Variants in CSPP1 observed in about 807,000 individuals in gnomAD.
CSPP1 encodes the protein centrosome and spindle pole associated protein 1.
Under a neutral mutation model 164.4 loss-of-function variants are expected in CSPP1, and 126 were observed. The ratio of observed to expected loss-of-function variants is 0.77; its 90% CI spans 0.66 to 0.89. CSPP1 has a LOEUF of 0.89. Among genes scored for constraint, CSPP1 ranks in the 40% least tolerant of loss-of-function variants. The probability of loss-of-function intolerance (pLI) is 0.00; values close to 1 mark genes in which losing one functional copy is unlikely to be tolerated. For missense variants in CSPP1, 1,395 were observed against 1,449.8 expected (o/e 0.96, Z 0.61); for synonymous variants, 472 against 476.7 (o/e 0.99, Z 0.13).
chr8:67,082,908 C>T (rs1809507117), intron 3 of CSPP1, among the ~76,000 whole-genome samples: 1 of 152,118 alleles, frequency 6.6e-6, no homozygotes, highest in South Asian at 2.1e-4. Flanking sequence ...AGACAACAGG[C>T]ACAATAAGTA....
chr8:67,136,849 A>G (rs939565927), intron 16 of CSPP1, among the ~76,000 whole-genome samples: 1 of 151,888 alleles, frequency 6.6e-6, no homozygotes, highest in Non-Finnish European at 1.5e-5. Context: ...TTAGAGAGGG[A>G]ATGGCTCAGG....
intron 28 of CSPP1, among the ~76,000 whole-genome samples, chr8:67,185,138 A>G (rs1199358652): frequency 1.3e-5 from 2 of 151,714 alleles, no homozygotes; most frequent in African/African-American, 2.4e-5. Context: ...CAAACAAACA[A>G]ACAAAAAACA....
In CSPP1 at chr8:67,159,850, CTTTT is replaced by C. The variant is rs1200830225; in HGVS notation, c.2538+715_2538+718del. Among the ~76,000 whole-genome samples, 99 of 91,638 alleles carry C rather than the reference CTTTT, an allele frequency of 1.1e-3. 1 individual carries two copies. Among genetic ancestry groups the C allele is most frequent in the East Asian group, 6.7e-3 (25 of 3,710 alleles). 60.1% of individuals were successfully genotyped at this position (91,638 alleles called of 152,430 possible). On this transcript the variant is annotated intron_variant, in intron 21 of 30. Coordinates refer to ENST00000678616, the MANE Select transcript of CSPP1 (RefSeq NM_001382391.1). ...TCTCTCTTTCTTTCTTTCTTTCTTT[CTTTT>C]TCTTTCTTTCTTTCTTTCTTTCTTT... is the stretch of plus-strand genomic sequence containing the variant.
In CSPP1 at chr8:67,159,018, C is replaced by G. The variant is rs757384412; in HGVS notation, c.2419C>G (p.Arg807Gly). The G allele has an allele frequency of 1.2e-6, 2 of 1,606,840 alleles. No homozygotes were observed. Among genetic ancestry groups the G allele is most frequent in the Admixed American group, 3.4e-5 (2 of 59,086 alleles). ...AAGGCTAAAAAATGAAGAGCATATT[C>G]GGTTAGCTGAAGAAAGACAAAAAGA... ...EQRLKNEEHI[R>G]LAEERQKEAE... Residue 807 changes from arginine (R) to glycine (G), a missense_variant, in exon 21 of 31, where the codon CGG becomes GGG. Coordinates refer to ENST00000678616, the MANE Select transcript of CSPP1 (RefSeq NM_001382391.1).
chr8:67,096,975 T>C (rs1029602870), intron 7 of CSPP1, among the ~76,000 whole-genome samples: 1 of 152,242 alleles, frequency 6.6e-6, no homozygotes, highest in Admixed American at 6.5e-5. Context: ...CAGTCAGATT[T>C]TCAGATGGTT....
chr8:67,167,039 G>A (rs1218662779), intron 24 of CSPP1, among the ~76,000 whole-genome samples: 1 of 152,096 alleles, frequency 6.6e-6, no homozygotes, highest in African/African-American at 2.4e-5. Flanking sequence ...ACCGGGTTGG[G>A]GGTAAGGTCA....
chr8:67,165,519 T>C (rs1320376878), intron 24 of CSPP1, among the ~76,000 whole-genome samples: 2 of 152,246 alleles, frequency 1.3e-5, no homozygotes, highest in Non-Finnish European at 2.9e-5. Flanking sequence ...TTGTCATGTC[T>C]CCCAGTCTCC....
intron 15 of CSPP1, 78 bp from the exon 16 acceptor site, chr8:67,131,873 C>T: frequency 7.9e-7 from 1 of 1,270,562 alleles, no homozygotes. Context: ...ATATGCCATG[C>T]TATTTCAAAA....
chr8:67,076,436 G>GT, intron 2 of CSPP1, 46 bp from the exon 3 acceptor site: 1 of 1,109,868 alleles, frequency 9.0e-7, no homozygotes, highest in Non-Finnish European at 1.3e-6. Flanking sequence ...TATATTTCAT[G>GT]GTTTTTTTTT....
chr8:67,175,718 G>C (rs985372266), intron 26 of CSPP1: 14 of 525,258 alleles, frequency 2.7e-5, no homozygotes, highest in African/African-American at 2.5e-4. Flanking sequence ...TCTGCATCAG[G>C]AACTAGGAAC....
chr8:67,184,887 C>T (rs113671389), intron 28 of CSPP1, among the ~76,000 whole-genome samples: 84 of 137,784 alleles, frequency 6.1e-4, no homozygotes, highest in African/African-American at 2.0e-3. Flanking sequence ...ATCACAAGGT[C>T]AGGAGATTGA....
chr8:67,122,888 G>A (rs1484361034), intron 15 of CSPP1, among the ~76,000 whole-genome samples: 2 of 151,826 alleles, frequency 1.3e-5, no homozygotes, highest in East Asian at 1.9e-4. Flanking sequence ...GTGTGTGTGT[G>A]TGTGTGTTTG....
At chr8:67,184,744 T>A (rs975665019) in intron 28 of CSPP1, among the ~76,000 whole-genome samples, 2 of 142,498 alleles carry the variant, frequency 1.4e-5, no homozygotes, top group Non-Finnish European at 3.0e-5. Context: ...AATAAAAAAA[T>A]ATAATAATAA....
At chr8:67,180,009 G>A (rs1832637233) in intron 28 of CSPP1, 83 bp downstream of exon 28, 7 of 651,106 alleles carry the variant, frequency 1.1e-5, no homozygotes, top group Non-Finnish European at 1.8e-5. Context: ...TGTATTCCTT[G>A]TTGTACAAGG....
intron 9 of CSPP1, 47 bp from the exon 10 acceptor site, chr8:67,111,925 A>G: frequency 1.0e-5 from 12 of 1,182,246 alleles, no homozygotes; most frequent in Non-Finnish European, 1.5e-5. Context: ...CTAATTGCAT[A>G]CGATGCTTAA....
intron 28 of CSPP1, among the ~76,000 whole-genome samples, chr8:67,183,186 G>A (rs1456198580): frequency 6.6e-6 from 1 of 152,194 alleles, no homozygotes; most frequent in Non-Finnish European, 1.5e-5. Flanking sequence ...AGGAGAAATA[G>A]ATGAATCCAC....
At chr8:67,188,089 T>C (rs1055237764) in intron 28 of CSPP1, among the ~76,000 whole-genome samples, 1 of 152,186 alleles carries the variant, frequency 6.6e-6, no homozygotes, top group African/African-American at 2.4e-5. Context: ...ATTAAGAGAA[T>C]GAGAAGACAG....
In CSPP1 at chr8:67,175,288, T is replaced by TA; in HGVS notation, c.2969-7dup. ...TAACTTAGTTATATAACATATTTTTTATACCAGATTCAGAAACACGAGTTG... is the reference window on the plus strand; with the variant it reads ...TAACTTAGTTATATAACATATTTTTTAATACCAGATTCAGAAACACGAGTTG... On this transcript the variant is annotated splice_region_variant and splice_polypyrimidine_tract_variant and intron_variant, in intron 25 of 30. Transcript: ENST00000678616. 1 of 1,600,440 alleles carries TA rather than the reference T, an allele frequency of 6.2e-7. No homozygotes were observed. The highest frequency in any genetic ancestry group is 8.5e-7 in the Non-Finnish European group (1 of 1,171,970).
chr8:67,122,922 A>G (rs1325971675), intron 15 of CSPP1, among the ~76,000 whole-genome samples: 1 of 151,758 alleles, frequency 6.6e-6, no homozygotes, highest in Non-Finnish European at 1.5e-5. Flanking sequence ...TCTGATATAC[A>G]GTCTTGCTCT....
Sources: gnomAD v4.1 joint callset for allele counts (sites outside exome capture counted in the v4.1 genomes callset) on GRCh38, gnomAD v4.1.1 for gene constraint, MANE v1.5 for transcripts, NCBI Gene and HGNC (gene_info 2026-07-23, HGNC 2026-07-21) for gene names.